SMC1B: variants seen among roughly 807,000 people sequenced by gnomAD.
The protein encoded by SMC1B is structural maintenance of chromosomes protein 1B.
A neutral mutation model predicts 157.9 loss-of-function variants in SMC1B; 60 were observed. The ratio of observed to expected loss-of-function variants is 0.38; its 90% CI spans 0.31 to 0.47. SMC1B has a LOEUF of 0.47. SMC1B is among the 20% of genes least tolerant of loss of function. The pLI, the probability that SMC1B is intolerant of heterozygous loss-of-function variation, is 0.99. For missense variants in SMC1B, 1,165 were observed against 1,426.2 expected, an observed-to-expected ratio of 0.82 and a Z score of 2.95; for synonymous variants, 445 against 483.0, an observed-to-expected ratio of 0.92 and a Z score of 1.03.
chr22:45,392,632 G>A (rs558818054), intron 9 of SMC1B, among the ~76,000 whole-genome samples: 1 of 152,120 alleles, frequency 6.6e-6, no homozygotes, highest in Admixed American at 6.5e-5. Flanking sequence ...TGCTATAAAG[G>A]AGATGAAGAT....
At chr22:45,406,277 T>C (rs752780217) in intron 4 of SMC1B, among the ~76,000 whole-genome samples, 183 bp downstream of exon 4, 1 of 152,196 alleles carries the variant, frequency 6.6e-6, no homozygotes, top group Non-Finnish European at 1.5e-5. Context: ...GTCCTGCCTA[T>C]TCGGAAAGAA....
At chr22:45,385,983 G>C (rs901086317) in intron 11 of SMC1B, among the ~76,000 whole-genome samples, 1 of 152,026 alleles carries the variant, frequency 6.6e-6, no homozygotes, top group Non-Finnish European at 1.5e-5. Context: ...TGTGTTAATT[G>C]ACTAGTAGGT....
intron 9 of SMC1B, among the ~76,000 whole-genome samples, chr22:45,392,848 C>T (rs2087077151): frequency 6.6e-6 from 1 of 152,070 alleles, no homozygotes; most frequent in African/African-American, 2.4e-5. Flanking sequence ...TTATAGGCGC[C>T]TGCCACAATG....
Position 45,354,104 on chromosome 22 carries a change from T to A in SMC1B, c.3147A>T (p.Arg1049Ser), listed in dbSNP as rs2086646243. The A allele has an allele frequency of 6.3e-7, 1 of 1,579,020 alleles. No homozygotes were observed. The highest frequency in any genetic ancestry group is 8.6e-7 in the Non-Finnish European group (1 of 1,167,918). The change falls in exon 21 of 25, where the codon AGA becomes AGT. Residue 1049 changes from arginine to serine, a missense_variant. By Grantham distance (110) the Arg-to-Ser change is moderately radical (BLOSUM62 -1). Transcript: ENST00000357450. The stretch of plus-strand genomic sequence containing the variant: ...CTTGCTCGAACTCTTGCCTACACAG[T>A]CTGGCTTCCTTTCTGCTGGCCTCAA... ...DAFEASRKEARLCRQEFEQVK... is the reference protein window; with the variant it reads ...DAFEASRKEASLCRQEFEQVK...
intron 4 of SMC1B, among the ~76,000 whole-genome samples, chr22:45,405,706 T>C (rs1364410106): frequency 1.3e-5 from 2 of 152,196 alleles, no homozygotes; most frequent in African/African-American, 4.8e-5. Flanking sequence ...GAAGTACATT[T>C]GCATGTAATG....
chr22:45,371,806 G>C (rs562341768), intron 13 of SMC1B, among the ~76,000 whole-genome samples: 170 of 152,266 alleles, frequency 1.1e-3, no homozygotes, highest in Middle Eastern at 3.4e-3. Context: ...CATGGTGGCT[G>C]TAATCTTTGT....
chr22:45,366,996 C>A (rs529605800), intron 15 of SMC1B, among the ~76,000 whole-genome samples: 2 of 152,268 alleles, frequency 1.3e-5, no homozygotes, highest in East Asian at 3.9e-4. Context: ...CTTTGTTAAG[C>A]TTCTCCGATA....
chr22:45,406,166 G>C (rs1247616643), intron 4 of SMC1B, among the ~76,000 whole-genome samples: 2 of 152,054 alleles, frequency 1.3e-5, no homozygotes, highest in African/African-American at 4.8e-5. Flanking sequence ...AGAGCATAAG[G>C]GGTTTAATAT....
chr22:45,380,184 T>G (rs2086922456), intron 12 of SMC1B, among the ~76,000 whole-genome samples: 1 of 152,200 alleles, frequency 6.6e-6, no homozygotes, highest in South Asian at 2.1e-4. Context: ...CCCATCCAGT[T>G]TTGCAGTCTG....
At chr22:45,399,854 T>C (rs191013695) in intron 5 of SMC1B, among the ~76,000 whole-genome samples, 82 of 152,270 alleles carry the variant, frequency 5.4e-4, no homozygotes, top group Non-Finnish European at 6.6e-4. Flanking sequence ...ATGCTTTCCA[T>C]GGGGGTACGG....
chr22:45,399,043 A>G (rs1236049117), intron 6 of SMC1B, 52 bp downstream of exon 6: 1 of 1,545,782 alleles, frequency 6.5e-7, no homozygotes, highest in African/African-American at 1.4e-5. Flanking sequence ...TCTAATTCAA[A>G]GCAGCTGAAA....
At position 45,389,863 on chromosome 22, in the gene SMC1B, T is replaced by C. The variant is rs1352508922; in HGVS notation, c.1580A>G (p.His527Arg). The C allele has an allele frequency of 3.1e-6, 5 of 1,614,078 alleles. No individual in the cohort carries two copies. Among genetic ancestry groups the C allele is most frequent in the Non-Finnish European group, 4.2e-6 (5 of 1,180,000 alleles). The change falls in exon 10 of 25, where the codon CAT becomes CGT. Residue 527 changes from histidine to arginine, a missense_variant. By Grantham distance (29) the His-to-Arg change is conservative. Transcript: ENST00000357450. ...GRLFDLCHPI[H>R]KKYQLAVTKV... ...AGTAACAGCCAGCTGGTATTTCTTA[T>C]GAATAGGATGACACAGGTCAAATAG...
intron 15 of SMC1B, among the ~76,000 whole-genome samples, chr22:45,367,786 G>C (rs1284949541): frequency 6.6e-6 from 1 of 152,236 alleles, no homozygotes; most frequent in Middle Eastern, 3.4e-3. Flanking sequence ...TGACATATTG[G>C]GATAAGGGCA....
At chr22:45,398,969 T>A in intron 6 of SMC1B, 126 bp downstream of exon 6, 1 of 973,940 alleles carries the variant, frequency 1.0e-6, no homozygotes, top group Non-Finnish European at 1.5e-6. Context: ...AAAATTTAAA[T>A]CCCCACAATT....
chr22:45,385,453 T>G (rs1379039160), intron 11 of SMC1B, among the ~76,000 whole-genome samples: 1 of 152,148 alleles, frequency 6.6e-6, no homozygotes, highest in East Asian at 1.9e-4. Context: ...TCCAATTGTT[T>G]GACCCAATCT....
rs2087263208 is a variant in SMC1B at position 45,406,614 on chromosome 22, A to T, written c.461T>A (p.Phe154Tyr). 6.2e-7 allele frequency: 1 copy of T among 1,613,596 alleles called. No homozygotes were observed. ...TCCTGAAGTGCTGATTTCCTCAAAA[A>T]ACTGGGTCCTTTCTTTGGGTTTCTT... Reference protein sequence around the residue: ...SVKKPKERTQFFEEISTSGEL... With the variant: ...SVKKPKERTQYFEEISTSGEL... The change falls in exon 4 of 25, where the codon TTT (phenylalanine) becomes TAT (tyrosine). Residue 154 changes from phenylalanine to tyrosine, a missense_variant. Transcript: ENST00000357450.
intron 15 of SMC1B, among the ~76,000 whole-genome samples, chr22:45,368,117 A>T (rs1354258969): frequency 6.6e-6 from 1 of 152,168 alleles, no homozygotes; most frequent in Non-Finnish European, 1.5e-5. Context: ...AAACCATGAA[A>T]CCACAATGCT....
intron 21 of SMC1B, among the ~76,000 whole-genome samples, chr22:45,353,463 T>G (rs147624193): frequency 5.3e-5 from 8 of 152,166 alleles, no homozygotes; most frequent in African/African-American, 1.9e-4. Flanking sequence ...CACATTCAAT[T>G]CCACAAGTAT....
chr22:45,385,514 A>C (rs2146818272), intron 11 of SMC1B, among the ~76,000 whole-genome samples: 1 of 152,216 alleles, frequency 6.6e-6, no homozygotes, highest in Admixed American at 6.5e-5. Context: ...TTAAGATACA[A>C]ATAAGATACA....
Sources: allele counts gnomAD v4.1 joint callset (sites outside exome capture counted in the v4.1 genomes callset), GRCh38; gene constraint gnomAD v4.1.1; transcripts MANE v1.5; gene names NCBI Gene and HGNC (gene_info 2026-07-23, HGNC 2026-07-21).